RBFOX1: variants seen among roughly 807,000 people sequenced by gnomAD.
RBFOX1 encodes the protein RNA binding protein fox-1 homolog 1.
Under a neutral mutation model 57.7 loss-of-function variants are expected in RBFOX1, and 8 were observed. The ratio of observed to expected loss-of-function variants is 0.14; its 90% confidence interval spans 0.08 to 0.25. The LOEUF is 0.25. Ranked by LOEUF, RBFOX1 falls within the 10% of genes least tolerant of loss-of-function variation. The pLI is 1.00. For synonymous variants in RBFOX1, 326 were observed against 222.4 expected (o/e 1.47, Z -4.15); for missense variants, 611 against 548.5 (o/e 1.11, Z -1.14).
intron 3 of RBFOX1, among the ~76,000 whole-genome samples, chr16:5,738,655 A>AAAAAAAAG (rs1555513202): frequency 2.7e-5 from 4 of 150,368 alleles, no homozygotes; most frequent in African/African-American, 9.7e-5. Context: ...AAAAAAAAAA[A>AAAAAAAAG]GGGAAATCTA....
intron 3 of RBFOX1, among the ~76,000 whole-genome samples, chr16:5,611,789 TCCATCCACCCACCCACCCAC>T (rs1193113595): frequency 4.7e-5 from 5 of 106,374 alleles, no homozygotes; most frequent in South Asian, 4.0e-4. Context: ...CATCCATCCA[TCCATCCACCCACCCACCCAC>T]CCACCCACCC....
chr16:7,588,823 A>T (rs1305340320), intron 7 of RBFOX1, among the ~76,000 whole-genome samples: 1 of 152,070 alleles, frequency 6.6e-6, no homozygotes, highest in Admixed American at 6.6e-5. Flanking sequence ...AAGTAAATTT[A>T]GTACTAATTA....
At chr16:6,288,912 G>A (rs996927300) in intron 1 of RBFOX1, among the ~76,000 whole-genome samples, 7 of 152,106 alleles carry the variant, frequency 4.6e-5, no homozygotes, top group African/African-American at 1.4e-4. Flanking sequence ...TAGTTCTCAA[G>A]GCAATGCTTC....
intron 3 of RBFOX1, among the ~76,000 whole-genome samples, chr16:5,833,765 C>T (rs1404739874): frequency 2.0e-5 from 3 of 151,976 alleles, no homozygotes; most frequent in Non-Finnish European, 2.9e-5. Flanking sequence ...ATTTTGTTTC[C>T]CTTGTCTTTC....
Position 5,325,853 on chromosome 16 carries a change from G to A in RBFOX1, c.219+85748G>A, listed in dbSNP as rs935334319. ...TGAGGGATATTTGAGTTTGTTTTCCGTTTTTGGCAATTTGAAATAGAGCTT... is the reference window on the plus strand; with the variant it reads ...TGAGGGATATTTGAGTTTGTTTTCCATTTTTGGCAATTTGAAATAGAGCTT... On this transcript the variant is annotated intron_variant, in intron 1 of 2. Transcript: ENST00000585867. 4.5e-4 allele frequency among the ~76,000 whole-genome samples: 69 copies of A among 152,052 alleles called. 2 individuals are homozygous for A. Among genetic ancestry groups the A allele is most frequent in the East Asian group, 9.6e-4 (5 of 5,198 alleles).
intron 4 of RBFOX1, among the ~76,000 whole-genome samples, chr16:7,083,269 A>G (rs916575406): frequency 1.3e-5 from 2 of 151,912 alleles, no homozygotes; most frequent in Non-Finnish European, 1.5e-5. Context: ...ACACTTGATT[A>G]ATGGGAAACA....
intron 1 of RBFOX1, among the ~76,000 whole-genome samples, chr16:6,182,493 C>T (rs780727043): frequency 5.3e-5 from 8 of 152,090 alleles, no homozygotes; most frequent in Non-Finnish European, 8.8e-5. Flanking sequence ...TTTGCCAACA[C>T]GCACATAGTC....
chr16:7,616,327 T>C (rs1318538171), intron 10 of RBFOX1, among the ~76,000 whole-genome samples: 1 of 152,176 alleles, frequency 6.6e-6, no homozygotes, highest in Non-Finnish European at 1.5e-5. Flanking sequence ...TTTCCAGAAA[T>C]GGCATGTGAC....
At chr16:7,252,556 C>G (rs1292848806) in intron 4 of RBFOX1, among the ~76,000 whole-genome samples, 6 of 152,186 alleles carry the variant, frequency 3.9e-5, no homozygotes, top group African/African-American at 1.2e-4. Context: ...CAAAGCTTGT[C>G]CATCATCCAA....
chr16:6,592,631 A>C (rs1334207791), intron 2 of RBFOX1, among the ~76,000 whole-genome samples: 1 of 152,198 alleles, frequency 6.6e-6, no homozygotes, highest in African/African-American at 2.4e-5. Context: ...GGGGAAGCGG[A>C]AGTTCTGCTA....
chr16:6,846,542 A>G (rs1486211396), intron 3 of RBFOX1, among the ~76,000 whole-genome samples: 2 of 152,214 alleles, frequency 1.3e-5, no homozygotes, highest in East Asian at 3.9e-4. Context: ...GGAGGAATCA[A>G]GGGAGCTGTT....
At chr16:5,546,267 A>G (rs931520642) in intron 2 of RBFOX1, among the ~76,000 whole-genome samples, 4 of 152,206 alleles carry the variant, frequency 2.6e-5, no homozygotes, top group African/African-American at 7.2e-5. Flanking sequence ...GAGTCAATGC[A>G]GTCCAAACCA....
At chr16:5,851,184 C>T (rs767346322) in intron 3 of RBFOX1, among the ~76,000 whole-genome samples, 2 of 152,164 alleles carry the variant, frequency 1.3e-5, no homozygotes, top group African/African-American at 2.4e-5. Flanking sequence ...GTAACTCTCC[C>T]GCTAGTTATT....
At chr16:7,532,131 C>A (rs919526032) in intron 5 of RBFOX1, among the ~76,000 whole-genome samples, 3 of 96,794 alleles carry the variant, frequency 3.1e-5, no homozygotes, top group African/African-American at 8.8e-5. Context: ...AAACTAGCTA[C>A]CTTTTTTTTT....
At chr16:7,391,526 G>A (rs1484669091) in intron 4 of RBFOX1, among the ~76,000 whole-genome samples, 2 of 152,056 alleles carry the variant, frequency 1.3e-5, no homozygotes, top group South Asian at 4.2e-4. Flanking sequence ...TCCTTGTCCC[G>A]TTCACAAAAT....
chr16:6,920,877 A>G (rs926451471), intron 3 of RBFOX1, among the ~76,000 whole-genome samples: 3 of 152,242 alleles, frequency 2.0e-5, no homozygotes, highest in African/African-American at 7.2e-5. Context: ...ATTTCCAAAT[A>G]GGGTCACATT....
At chr16:7,356,555 C>G (rs1391001395) in intron 4 of RBFOX1, among the ~76,000 whole-genome samples, 1 of 151,996 alleles carries the variant, frequency 6.6e-6, no homozygotes, top group Admixed American at 6.6e-5. Flanking sequence ...GAGGCAGGGC[C>G]CTGCACAGCA....
intron 12 of RBFOX1, among the ~76,000 whole-genome samples, chr16:7,660,783 G>A (rs922022658): frequency 2.6e-5 from 4 of 152,164 alleles, no homozygotes; most frequent in Non-Finnish European, 5.9e-5. Context: ...CTGGGCATGG[G>A]GCCCAGCCAT....
intron 1 of RBFOX1, among the ~76,000 whole-genome samples, chr16:6,084,997 T>C (rs1283285731): frequency 6.6e-6 from 1 of 152,162 alleles, no homozygotes; most frequent in Non-Finnish European, 1.5e-5. Context: ...GTGGTTTCCT[T>C]TTCCCCAATC....
Sources: allele counts gnomAD v4.1 joint callset (sites outside exome capture counted in the v4.1 genomes callset), GRCh38; gene constraint gnomAD v4.1.1; transcripts MANE v1.5; gene names NCBI Gene and HGNC (gene_info 2026-07-23, HGNC 2026-07-21).